The following KIF21A variants were observed in gnomAD, a reference collection of about 807,000 sequenced individuals.
The protein encoded by KIF21A is kinesin family member 21A.
Under a neutral mutation model 202.9 loss-of-function variants are expected in KIF21A, and 114 were observed. The ratio of observed to expected loss-of-function variants is 0.56; its 90% CI spans 0.48 to 0.66. The LOEUF (loss-of-function observed/expected upper bound fraction) is 0.66. Ranked by LOEUF, KIF21A falls within the 30% of genes least tolerant of loss-of-function variation. The pLI, the probability that KIF21A is intolerant of heterozygous loss-of-function variation, is 0.00. For synonymous variants in KIF21A, 667 were observed against 670.8 expected (o/e 0.99, Z 0.09); for missense variants, 1,677 against 1,994.9 (o/e 0.84, Z 3.04).
At chr12:39,366,547 T>C (rs1348526731) in intron 5 of KIF21A, 30 bp from the exon 6 acceptor site, 1 of 1,471,340 alleles carries the variant, frequency 6.8e-7, no homozygotes. Context: ...TTGAAAATAC[T>C]TTATTAATGT....
chr12:39,423,392 G>A (rs552706827), intron 1 of KIF21A, among the ~76,000 whole-genome samples: 1 of 151,816 alleles, frequency 6.6e-6, no homozygotes, highest in East Asian at 1.9e-4. Context: ...GCTGTACCTG[G>A]ACACACTGCC....
At chr12:39,322,624 TAAAGCCAA>T in intron 27 of KIF21A, 36 bp downstream of exon 27, 1 of 1,441,772 alleles carries the variant, frequency 6.9e-7, no homozygotes. Flanking sequence ...CTTTTTTTTT[TAAAGCCAA>T]AAGAAAAGAA....
At chr12:39,323,338 A>AAG (rs1565759472) in intron 26 of KIF21A, among the ~76,000 whole-genome samples, 1 of 151,910 alleles carries the variant, frequency 6.6e-6, no homozygotes, top group East Asian at 1.9e-4. Flanking sequence ...AAGAAAAGAA[A>AAG]AAGAAGAAGA....
At chr12:39,394,213 A>G (rs936500741) in intron 1 of KIF21A, among the ~76,000 whole-genome samples, 1 of 152,206 alleles carries the variant, frequency 6.6e-6, no homozygotes, top group African/African-American at 2.4e-5. Context: ...AGCATGCAAT[A>G]CATAGGTCAT....
intron 11 of KIF21A, 34 bp downstream of exon 11, chr12:39,351,743 A>T: frequency 7.9e-7 from 1 of 1,258,466 alleles, no homozygotes; most frequent in Non-Finnish European, 1.2e-6. Flanking sequence ...AAAAGGAAAT[A>T]GAGATTCATT....
intron 29 of KIF21A, among the ~76,000 whole-genome samples, chr12:39,317,780 G>A (rs1260335512): frequency 6.6e-6 from 1 of 152,162 alleles, no homozygotes; most frequent in Non-Finnish European, 1.5e-5. Flanking sequence ...TAAACATCAA[G>A]TGGTCTCAAA....
intron 1 of KIF21A, among the ~76,000 whole-genome samples, chr12:39,436,440 ATATATATATTT>A (rs1354206528): frequency 1.9e-4 from 23 of 118,322 alleles, no homozygotes; most frequent in African/African-American, 8.9e-4. Context: ...ATATATATAT[ATATATATATTT>A]TTTTTTTTTT....
chr12:39,362,037 T>C (rs1167350041), intron 7 of KIF21A, among the ~76,000 whole-genome samples: 1 of 152,032 alleles, frequency 6.6e-6, no homozygotes, highest in Non-Finnish European at 1.5e-5. Context: ...TCTCAGGGGA[T>C]CTGGTTGCTT....
At position 39,342,132 on chromosome 12, in the gene KIF21A, A is replaced by C. The variant is rs1182719113; in HGVS notation, c.1713-8T>G. The stretch of plus-strand genomic sequence containing the variant: ...TCCTCTTTACCAGCCACACTAAAAA[A>C]AGGAACATAAGGGTATGGTGTTAAA... On this transcript the variant is annotated splice_polypyrimidine_tract_variant and splice_region_variant and intron_variant, in intron 12 of 37. Transcript: ENST00000361418. 6.4e-7 allele frequency: 1 copy of C among 1,559,182 alleles called. No homozygotes were observed. The highest frequency in any genetic ancestry group is 8.8e-7 in the Non-Finnish European group (1 of 1,130,362).
At chr12:39,376,667 T>C (rs2139328734) in intron 1 of KIF21A, among the ~76,000 whole-genome samples, 1 of 152,318 alleles carries the variant, frequency 6.6e-6, no homozygotes, top group South Asian at 2.1e-4. Context: ...CAAGAACCCA[T>C]ACATTTTTTC....
At chr12:39,316,164 ATT>A (rs1469718986) in intron 29 of KIF21A, among the ~76,000 whole-genome samples, 194 bp from the exon 30 acceptor site, 1 of 152,156 alleles carries the variant, frequency 6.6e-6, no homozygotes, top group African/African-American at 2.4e-5. Flanking sequence ...AAAGTTTGAT[ATT>A]TATGTCTTCT....
intron 1 of KIF21A, among the ~76,000 whole-genome samples, chr12:39,418,812 C>T (rs1449352301): frequency 6.6e-6 from 1 of 152,136 alleles, no homozygotes; most frequent in East Asian, 1.9e-4. Context: ...TAGTGCAGCC[C>T]CCAGAACATG....
chr12:39,298,539 C>T (rs1489110342), intron 37 of KIF21A, among the ~76,000 whole-genome samples: 1 of 152,078 alleles, frequency 6.6e-6, no homozygotes, highest in Non-Finnish European at 1.5e-5. Flanking sequence ...GTTAAACTTT[C>T]GTAGAAGAGC....
rs565292540 is a variant in KIF21A at position 39,297,300 on chromosome 12, C to T, written c.4932-2783G>A. Among the ~76,000 whole-genome samples, 10 of 152,132 alleles carry T rather than the reference C, an allele frequency of 6.6e-5. No homozygotes were observed. The South Asian group carries it at 8.3e-4, about 13-fold the overall frequency. On this transcript the variant is annotated intron_variant, in intron 37 of 37. Transcript: ENST00000361418. Reference sequence around the variant, plus strand: ...GACACATGCACACGTATGTTTATTGCGGCACTATTCACAATACCAAAGACT... The same window carrying T: ...GACACATGCACACGTATGTTTATTGTGGCACTATTCACAATACCAAAGACT...
At chr12:39,341,218 A>G in intron 14 of KIF21A, 124 bp from the exon 15 acceptor site, 1 of 863,130 alleles carries the variant, frequency 1.2e-6, no homozygotes, top group Non-Finnish European at 1.8e-6. Context: ...TATTAGAAAA[A>G]TTTCCTGGAA....
chr12:39,296,565 T>C (rs1942392854), intron 37 of KIF21A, among the ~76,000 whole-genome samples: 1 of 152,110 alleles, frequency 6.6e-6, no homozygotes, highest in Non-Finnish European at 1.5e-5. Context: ...CCTGGAGTGC[T>C]AGGTGATAGA....
At chr12:39,412,572 C>T (rs1341801280) in intron 1 of KIF21A, among the ~76,000 whole-genome samples, 1 of 151,922 alleles carries the variant, frequency 6.6e-6, no homozygotes, top group African/African-American at 2.4e-5. Flanking sequence ...AAAAATTACC[C>T]GGGCATGGTG....
chr12:39,304,373 C>T (rs1021851382), intron 35 of KIF21A, among the ~76,000 whole-genome samples: 3 of 152,354 alleles, frequency 2.0e-5, no homozygotes, highest in Admixed American at 1.3e-4. Context: ...CTAGTCACAA[C>T]TTATTTTAAA....
At chr12:39,434,102 A>G (rs1938343499) in intron 1 of KIF21A, among the ~76,000 whole-genome samples, 1 of 152,176 alleles carries the variant, frequency 6.6e-6, no homozygotes, top group African/African-American at 2.4e-5. Flanking sequence ...TAATGAACAG[A>G]GATGTATTTC....
Sources: allele counts gnomAD v4.1 joint callset (sites outside exome capture counted in the v4.1 genomes callset), GRCh38; gene constraint gnomAD v4.1.1; transcripts MANE v1.5; gene names NCBI Gene and HGNC (gene_info 2026-07-23, HGNC 2026-07-21).